Variants in MYT1L observed in about 807,000 individuals in gnomAD.
MYT1L encodes the protein myelin transcription factor 1-like protein.
A neutral mutation model predicts 126.7 loss-of-function variants in MYT1L; 12 were observed. The observed-to-expected ratio is 0.09, with a 90% CI of 0.06 to 0.15. The LOEUF is 0.15. MYT1L is among the 10% of genes least tolerant of loss of function. MYT1L has a pLI of 1.00. For synonymous variants in MYT1L, 541 were observed against 604.2 expected, an observed-to-expected ratio of 0.90 and a Z score of 1.53; for missense variants, 979 against 1,585.2, an observed-to-expected ratio of 0.62 and a Z score of 6.49.
chr2:1,959,186 G>T (rs2058756419), intron 8 of MYT1L, among the ~76,000 whole-genome samples: 1 of 152,172 alleles, frequency 6.6e-6, no homozygotes, highest in Non-Finnish European at 1.5e-5. Context: ...TGGACACAAT[G>T]TTAAGGTGGA....
intron 2 of MYT1L, among the ~76,000 whole-genome samples, chr2:2,173,812 A>G (rs2090387805): frequency 6.6e-6 from 1 of 152,210 alleles, no homozygotes; most frequent in African/African-American, 2.4e-5. Flanking sequence ...GTGTGTCAGG[A>G]GAACGAAGAG....
intron 2 of MYT1L, among the ~76,000 whole-genome samples, chr2:2,194,079 C>CATAT (rs557488545): frequency 6.6e-6 from 1 of 150,874 alleles, no homozygotes; most frequent in African/African-American, 2.4e-5. Context: ...AGCTATTATT[C>CATAT]ATATATATAT....
At chr2:2,231,225 C>T (rs2094152633) in intron 2 of MYT1L, among the ~76,000 whole-genome samples, 2 of 152,298 alleles carry the variant, frequency 1.3e-5, no homozygotes, top group South Asian at 4.1e-4. Flanking sequence ...GTAAGCCCCA[C>T]TGTAGGATGA....
chr2:2,184,674 G>C (rs1208922855), intron 2 of MYT1L, among the ~76,000 whole-genome samples: 1 of 152,028 alleles, frequency 6.6e-6, no homozygotes, highest in Non-Finnish European at 1.5e-5. Flanking sequence ...TCCCCGCACC[G>C]CACGCCCACC....
intron 1 of MYT1L, among the ~76,000 whole-genome samples, chr2:2,297,961 A>G (rs748967279): frequency 6.6e-6 from 1 of 152,212 alleles, no homozygotes; most frequent in Non-Finnish European, 1.5e-5. Context: ...CACAACGAGG[A>G]CCTGAGAAGA....
At chr2:1,851,374 C>G (rs990813767) in intron 19 of MYT1L, among the ~76,000 whole-genome samples, 19 of 152,046 alleles carry the variant, frequency 1.2e-4, no homozygotes, top group African/African-American at 4.6e-4. Context: ...AGAAGTGCAG[C>G]TGGATAGGTG....
rs753790654 is a variant in MYT1L at position 1,923,204 on chromosome 2, TATC to T, written c.562_564del (p.Asp188del). The T allele has an allele frequency of 3.1e-6, 5 of 1,613,146 alleles. No homozygotes were observed. Among genetic ancestry groups the T allele is most frequent in the South Asian group, 1.1e-5 (1 of 90,912 alleles). ...TAATTGTCATATTCGTCATTATTGT[TATC>T]ATCCTTTTCTGTGTCTTGCATTATT... On this transcript the variant is annotated inframe_deletion, in exon 10 of 25. Coordinates refer to ENST00000647738, the MANE Select transcript of MYT1L (RefSeq NM_001303052.2).
intron 2 of MYT1L, among the ~76,000 whole-genome samples, chr2:2,217,606 C>G (rs1480997227): frequency 1.3e-5 from 2 of 150,036 alleles, no homozygotes; most frequent in African/African-American, 4.9e-5. Context: ...ATTGCTTGAA[C>G]TTGGGAGTGA....
At chr2:2,297,587 G>C (rs1489431691) in intron 1 of MYT1L, among the ~76,000 whole-genome samples, 3 of 152,070 alleles carry the variant, frequency 2.0e-5, no homozygotes, top group African/African-American at 7.2e-5. Flanking sequence ...CCATTCAAAT[G>C]CTTCATGCCT....
chr2:2,305,580 A>G (rs1171212729), intron 1 of MYT1L, among the ~76,000 whole-genome samples: 2 of 152,160 alleles, frequency 1.3e-5, no homozygotes, highest in African/African-American at 4.8e-5. Flanking sequence ...GTGTTAGTCC[A>G]TTCTCACACT....
intron 3 of MYT1L, among the ~76,000 whole-genome samples, chr2:2,149,568 C>T (rs2085416803): frequency 6.6e-6 from 1 of 152,210 alleles, no homozygotes; most frequent in African/African-American, 2.4e-5. Context: ...TACTCAAAGT[C>T]TGTCACAGCT....
chr2:2,214,982 T>A (rs1026949416), intron 2 of MYT1L, among the ~76,000 whole-genome samples: 7 of 152,192 alleles, frequency 4.6e-5, no homozygotes, highest in African/African-American at 1.7e-4. Context: ...TTATACTACA[T>A]GTGAAGTGGT....
intron 2 of MYT1L, among the ~76,000 whole-genome samples, chr2:2,226,472 C>G (rs1265786535): frequency 6.6e-6 from 1 of 152,166 alleles, no homozygotes; most frequent in East Asian, 1.9e-4. Flanking sequence ...TCTCCTGGAT[C>G]CCGTCCACCC....
chr2:2,211,361 T>C (rs1414902828), intron 2 of MYT1L, among the ~76,000 whole-genome samples: 3 of 152,252 alleles, frequency 2.0e-5, no homozygotes, highest in Non-Finnish European at 2.9e-5. Flanking sequence ...TTCTTACTAA[T>C]TGTTTTAACA....
At chr2:2,004,035 A>ATGCCTTCTTTCC (rs2062751398) in intron 4 of MYT1L, among the ~76,000 whole-genome samples, 1 of 147,972 alleles carries the variant, frequency 6.8e-6, no homozygotes, top group Non-Finnish European at 1.5e-5. Flanking sequence ...TCTTTCCTGC[A>ATGCCTTCTTTCC]TGCATTCTTT....
chr2:2,042,810 A>G (rs867851659), intron 4 of MYT1L, among the ~76,000 whole-genome samples: 3 of 152,096 alleles, frequency 2.0e-5, no homozygotes, highest in Admixed American at 6.5e-5. Flanking sequence ...TCCAGCTCTC[A>G]CCACACCTGT....
intron 3 of MYT1L, among the ~76,000 whole-genome samples, chr2:2,064,529 G>A (rs1304001157): frequency 4.6e-5 from 7 of 152,168 alleles, no homozygotes; most frequent in Non-Finnish European, 1.0e-4. Flanking sequence ...TGACCTCCCT[G>A]AGGGAGACTG....
chr2:2,166,762 C>T (rs1240150074), intron 3 of MYT1L, among the ~76,000 whole-genome samples: 2 of 152,152 alleles, frequency 1.3e-5, no homozygotes, highest in African/African-American at 4.8e-5. Flanking sequence ...AACATTTCCC[C>T]TCAACCTGCC....
chr2:2,118,709 T>C (rs2080554180), intron 3 of MYT1L, among the ~76,000 whole-genome samples: 1 of 152,268 alleles, frequency 6.6e-6, no homozygotes, highest in Non-Finnish European at 1.5e-5. Context: ...TGGATTTTTT[T>C]TCAGTGAAAC....
Sources: gnomAD v4.1 joint callset for allele counts (sites outside exome capture counted in the v4.1 genomes callset) on GRCh38, gnomAD v4.1.1 for gene constraint, MANE v1.5 for transcripts, NCBI Gene and HGNC (gene_info 2026-07-23, HGNC 2026-07-21) for gene names.